NAALADL2: variants seen among roughly 807,000 people sequenced by gnomAD.
The protein encoded by NAALADL2 is inactive N-acetylated-alpha-linked acidic dipeptidase-like protein 2.
A neutral mutation model predicts 87.2 loss-of-function variants in NAALADL2; 76 were observed. The ratio of observed to expected loss-of-function variants is 0.87; its 90% CI spans 0.72 to 1.05. The LOEUF (loss-of-function observed/expected upper bound fraction) is 1.05. Ranked by LOEUF, NAALADL2 falls within the 50% of genes least tolerant of loss-of-function variation. The pLI, the probability that NAALADL2 is intolerant of heterozygous loss-of-function variation, is 0.00. For synonymous variants in NAALADL2, 354 were observed against 331.0 expected (o/e 1.07, Z -0.75); for missense variants, 1,089 against 945.8 (o/e 1.15, Z -1.99).
intron 1 of NAALADL2, among the ~76,000 whole-genome samples, chr3:174,935,602 A>G (rs1737573417): frequency 6.6e-6 from 1 of 152,192 alleles, no homozygotes; most frequent in African/African-American, 2.4e-5. Flanking sequence ...ACAGACACAC[A>G]CTAAGCTTGT....
At chr3:175,051,134 A>G (rs1277595727) in intron 1 of NAALADL2, among the ~76,000 whole-genome samples, 3 of 152,172 alleles carry the variant, frequency 2.0e-5, no homozygotes, top group African/African-American at 2.4e-5. Context: ...TAGATTGAGG[A>G]TGGGAAATTT....
intron 1 of NAALADL2, among the ~76,000 whole-genome samples, chr3:174,544,012 A>G (rs2108473551): frequency 6.7e-6 from 1 of 149,076 alleles, no homozygotes; most frequent in South Asian, 2.1e-4. Context: ...CTGTCTCCAA[A>G]AAAAAAAAAA....
At position 175,806,039 on chromosome 3, in the gene NAALADL2, T is replaced by C. The variant is rs1050087063; in HGVS notation, c.*2836T>C. On this transcript the variant is annotated 3_prime_UTR_variant, in exon 14 of 14. Transcript: ENST00000454872. The stretch of plus-strand genomic sequence containing the variant: ...AGCACCACTGGAATTTAAGCTTCTC[T>C]GCTTTCTCATGCAGTATATCTTGCT... 3 of 151,982 alleles carry C rather than the reference T, an allele frequency of 2.0e-5. No homozygotes were observed. The highest frequency in any genetic ancestry group is 4.4e-5 in the Non-Finnish European group (3 of 67,904). The allele number at this position is 151,982 out of a possible 1,614,324, so 9.4% of individuals were successfully genotyped here. A position where few individuals can be genotyped will look rare whatever the true frequency, so the allele number is the denominator to read the frequency against.
intron 2 of NAALADL2, among the ~76,000 whole-genome samples, chr3:175,213,643 A>G (rs979047220): frequency 3.9e-5 from 6 of 152,162 alleles, no homozygotes; most frequent in African/African-American, 1.2e-4. Context: ...TGAACTGAGC[A>G]CTGGATGAGA....
intron 1 of NAALADL2, among the ~76,000 whole-genome samples, chr3:175,031,160 G>T (rs147373413): frequency 3.9e-5 from 6 of 151,922 alleles, no homozygotes; most frequent in African/African-American, 1.4e-4. Flanking sequence ...GAATGAGGGG[G>T]TACATGTGCA....
intron 10 of NAALADL2, among the ~76,000 whole-genome samples, chr3:175,593,244 C>A (rs1016272441): frequency 1.3e-5 from 2 of 152,040 alleles, no homozygotes; most frequent in African/African-American, 2.4e-5. Context: ...CTTAATGATA[C>A]CATAAATAAC....
At chr3:175,178,714 T>C (rs917390065) in intron 2 of NAALADL2, among the ~76,000 whole-genome samples, 68 of 152,200 alleles carry the variant, frequency 4.5e-4, no homozygotes, top group African/African-American at 1.4e-3. Flanking sequence ...AGAATCTGCA[T>C]TTCTATAAAG....
intron 2 of NAALADL2, among the ~76,000 whole-genome samples, chr3:174,711,906 T>G (rs1344859888): frequency 1.3e-5 from 2 of 152,162 alleles, no homozygotes; most frequent in Admixed American, 6.6e-5. Context: ...TTCAAGAGAT[T>G]CTCTTGCCTC....
chr3:175,487,540 C>T (rs763061778), intron 9 of NAALADL2: 66 of 456,410 alleles, frequency 1.4e-4, no homozygotes, highest in Non-Finnish European at 2.6e-4. Flanking sequence ...ACCTTAGTTC[C>T]AGGTTTGATG....
intron 3 of NAALADL2, among the ~76,000 whole-genome samples, chr3:174,788,327 G>A (rs1306924568): frequency 6.6e-6 from 1 of 152,190 alleles, no homozygotes; most frequent in Non-Finnish European, 1.5e-5. Context: ...CTATTTGAAA[G>A]AAGACAAAAG....
chr3:174,725,102 A>G (rs962355645), intron 2 of NAALADL2, among the ~76,000 whole-genome samples: 1 of 152,198 alleles, frequency 6.6e-6, no homozygotes, highest in Non-Finnish European at 1.5e-5. Context: ...CCAAAGGAAC[A>G]TGTATTGGAT....
chr3:175,716,380 TAC>T, intron 11 of NAALADL2, among the ~76,000 whole-genome samples: 1 of 148,620 alleles, frequency 6.7e-6, no homozygotes, highest in Admixed American at 6.8e-5. Flanking sequence ...TGTATACATA[TAC>T]ACACACACTA....
chr3:175,506,545 CTACT>C (rs901220509), intron 9 of NAALADL2, among the ~76,000 whole-genome samples: 3 of 152,116 alleles, frequency 2.0e-5, no homozygotes, highest in Non-Finnish European at 2.9e-5. Flanking sequence ...AAAATGTAAA[CTACT>C]TACTTTTACT....
At chr3:174,842,111 G>T (rs1319952765) in intron 3 of NAALADL2, among the ~76,000 whole-genome samples, 2 of 151,058 alleles carry the variant, frequency 1.3e-5, no homozygotes, top group Non-Finnish European at 2.9e-5. Context: ...CAGTGCATTG[G>T]CGTGATCTCT....
rs556672643 is a variant in NAALADL2 at position 174,719,260 on chromosome 3, C to T, written c.-114-18381C>T. Among the ~76,000 whole-genome samples the T allele has an allele frequency of 1.8e-4, 27 of 152,232 alleles. No individual in the cohort carries two copies. The South Asian group carries it at 5.2e-3, about 29-fold the overall frequency. ...GGTAACATTAACAGTTGACATGCATCAACTTTCTTTTGAAAAATATCCCAT... is the reference window on the plus strand; with the variant it reads ...GGTAACATTAACAGTTGACATGCATTAACTTTCTTTTGAAAAATATCCCAT... On this transcript the variant is annotated intron_variant, in intron 2 of 3. Coordinates refer to the NAALADL2 transcript ENST00000434257.
At chr3:174,830,597 C>T (rs1722563892) in intron 3 of NAALADL2, among the ~76,000 whole-genome samples, 1 of 151,876 alleles carries the variant, frequency 6.6e-6, no homozygotes, top group African/African-American at 2.4e-5. Context: ...GCGATGCGGG[C>T]TCTTTTTTGG....
chr3:175,370,915 G>T (rs1447160127), intron 5 of NAALADL2, among the ~76,000 whole-genome samples: 1 of 152,118 alleles, frequency 6.6e-6, no homozygotes, highest in Non-Finnish European at 1.5e-5. Context: ...TTTCAGCTGA[G>T]AGCAAGTAGA....
At chr3:175,248,960 G>A (rs1748514184) in intron 3 of NAALADL2, among the ~76,000 whole-genome samples, 1 of 151,598 alleles carries the variant, frequency 6.6e-6, no homozygotes, top group Non-Finnish European at 1.5e-5. Context: ...GAATTATATA[G>A]TTCTATCAGA....
chr3:174,747,597 G>C (rs1424830915), intron 3 of NAALADL2, among the ~76,000 whole-genome samples: 3 of 142,714 alleles, frequency 2.1e-5, no homozygotes, highest in African/African-American at 5.2e-5. Flanking sequence ...ACTCCAGCCT[G>C]GGTGACAGAG....
Sources: gnomAD v4.1 joint callset for allele counts (sites outside exome capture counted in the v4.1 genomes callset) on GRCh38, gnomAD v4.1.1 for gene constraint, MANE v1.5 for transcripts, NCBI Gene and HGNC (gene_info 2026-07-23, HGNC 2026-07-21) for gene names.